The following MYH14 variants were observed in gnomAD, a reference collection of about 807,000 sequenced individuals.
The protein encoded by MYH14 is myosin heavy chain 14.
In MYH14, 123 loss-of-function variants were observed where a neutral mutation model predicts 255.5. The ratio of observed to expected loss-of-function variants is 0.48; its 90% CI spans 0.42 to 0.56. MYH14 has a LOEUF of 0.56. Among genes scored for constraint, MYH14 ranks in the 20% least tolerant of loss-of-function variants. MYH14 has a pLI of 0.00. For missense variants in MYH14, 2,423 were observed against 2,802.3 expected (o/e 0.86, Z 3.06); for synonymous variants, 1,095 against 1,161.2 (o/e 0.94, Z 1.16).
chr19:50,277,890 T>C (rs2035566170), intron 29 of MYH14, among the ~76,000 whole-genome samples, 193 bp from the exon 30 acceptor site: 2 of 151,496 alleles, frequency 1.3e-5, no homozygotes, highest in Non-Finnish European at 2.9e-5. Context: ...GCACTCCAGC[T>C]TGGGCAACAA....
chr19:50,237,603 C>T lies in MYH14; in HGVS notation c.1114+5533C>T, dbSNP rs983909925. Among the ~76,000 whole-genome samples, 4 of 152,226 alleles carry T rather than the reference C, an allele frequency of 2.6e-5. No homozygotes were observed. In the East Asian group the frequency reaches 7.7e-4, roughly 29 times the overall value. ...TCCGCCTCCCAAAATGCTGGGATTA[C>T]AGGCGTGAGCCACCGCACCCGGCCA... On this transcript the variant is annotated intron_variant, in intron 10 of 42. Coordinates refer to ENST00000642316, the MANE Select transcript of MYH14 (RefSeq NM_001145809.2).
intron 18 of MYH14, 112 bp from the exon 19 acceptor site, chr19:50,259,032 C>T: frequency 7.1e-7 from 1 of 1,403,530 alleles, no homozygotes; most frequent in Non-Finnish European, 9.5e-7. Context: ...TTCCTAGGCA[C>T]CTAGTAGGTG....
In MYH14 at chr19:50,252,794, G is replaced by GC. The variant is rs2034453143; in HGVS notation, c.1945+42dup. On this transcript the variant is annotated intron_variant, in intron 16 of 42. Coordinates refer to ENST00000642316, the MANE Select transcript of MYH14 (RefSeq NM_001145809.2). The surrounding 1 kb of genome is among the most constrained non-coding windows in gnomAD (Gnocchi z 4.2). Reference sequence around the variant, plus strand: ...CCCCACCCCGGCTCTAGGGGTCTGTGCGGCCATTCTCCAAATCCACAGCGT... The same window carrying GC: ...CCCCACCCCGGCTCTAGGGGTCTGTGCCGGCCATTCTCCAAATCCACAGCGT... 2.1e-6 allele frequency: 3 copies of GC among 1,416,106 alleles called. No homozygotes were observed. The highest frequency in any genetic ancestry group is 2.9e-6 in the Non-Finnish European group (3 of 1,026,926). 87.7% of individuals were successfully genotyped at this position (1,416,106 alleles called of 1,614,324 possible).
At chr19:50,231,841 G>T in intron 9 of MYH14, 89 bp from the exon 10 acceptor site, 1 of 1,546,754 alleles carries the variant, frequency 6.5e-7, no homozygotes, top group Non-Finnish European at 8.8e-7. Flanking sequence ...TGAGGATATG[G>T]CATGTCCTGG....
chr19:50,268,245 C>T lies in MYH14; in HGVS notation c.2911C>T (p.Leu971=), dbSNP rs970942017. ...AGAGGCCGAGGAGACGCGGGGGAGGCTGGCAGCCCGCAAGCAGGAGCTGGA... is the reference window on the plus strand; with the variant it reads ...AGAGGCCGAGGAGACGCGGGGGAGGTTGGCAGCCCGCAAGCAGGAGCTGGA... ...CAEAEETRGR[L]AARKQELELV... is the part of the protein sequence containing the mutation. The change falls in exon 24 of 43, where the codon CTG becomes TTG. Residue 971 remains leucine (L), a synonymous_variant. Transcript: ENST00000642316. 2.6e-6 allele frequency: 4 copies of T among 1,567,854 alleles called. No homozygotes were observed. The highest frequency in any genetic ancestry group is 2.6e-6 in the Non-Finnish European group (3 of 1,156,908).
At chr19:50,282,852 G>A (rs904560503) in intron 33 of MYH14, among the ~76,000 whole-genome samples, 10 of 152,222 alleles carry the variant, frequency 6.6e-5, no homozygotes, top group African/African-American at 2.2e-4. Context: ...TGGGTTTTTT[G>A]TATTTATCCT....
rs1276011099 is a variant in MYH14, at chr19:50,271,817, C to T, written c.3172-32C>T. Reference sequence around the variant, plus strand: ...AGGGCTGCTCCTGGCCCAACTCCTCCTGACTGCCCCCCATCCCACTCCACC... The same window carrying T: ...AGGGCTGCTCCTGGCCCAACTCCTCTTGACTGCCCCCCATCCCACTCCACC... On this transcript the variant is annotated intron_variant, in intron 25 of 42. Coordinates refer to ENST00000642316, the MANE Select transcript of MYH14 (RefSeq NM_001145809.2). 3.1e-6 allele frequency: 5 copies of T among 1,611,726 alleles called. 1 individual carries two copies. The South Asian group carries it at 5.5e-5, about 18-fold the overall frequency.
At chr19:50,301,583 C>A in intron 39 of MYH14, 78 bp from the exon 40 acceptor site, 2 of 1,103,578 alleles carry the variant, frequency 1.8e-6, no homozygotes, top group African/African-American at 1.5e-5. Context: ...GCACTTAATT[C>A]TCAGAGGTGC....
At chr19:50,275,700 C>T (rs571644543) in intron 27 of MYH14, among the ~76,000 whole-genome samples, 1 of 152,278 alleles carries the variant, frequency 6.6e-6, no homozygotes, top group East Asian at 1.9e-4. Context: ...GTGGACCGCA[C>T]CTGTGGTCTC....
intron 3 of MYH14, 122 bp from the exon 4 acceptor site, chr19:50,222,961 G>A: frequency 2.0e-6 from 2 of 978,404 alleles, no homozygotes; most frequent in Non-Finnish European, 3.3e-6. Flanking sequence ...TACACATCAA[G>A]ACCCAAGCTT....
chr19:50,225,499 C>T, intron 6 of MYH14, 86 bp from the exon 7 acceptor site: 1 of 996,654 alleles, frequency 1.0e-6, no homozygotes, highest in Admixed American at 2.0e-5. Context: ...GATACTCAGT[C>T]AGCTGGAGAC....
In MYH14 at chr19:50,289,604, C is replaced by T. The variant is rs748898201; in HGVS notation, c.4921C>T (p.Arg1641Cys). Residue 1641 changes from arginine (R) to cysteine (C), a missense_variant, in exon 35 of 43, where the codon CGT becomes TGT. Around this residue, in one of 3 missense-constraint regions of MYH14, gnomAD observed 1,513 missense variants for 1,674.8 expected, o/e 0.90. Coordinates refer to ENST00000642316, the MANE Select transcript of MYH14 (RefSeq NM_001145809.2). ...KTQHERDLQGRDEAGEERRRQ... is the reference protein window; with the variant it reads ...KTQHERDLQGCDEAGEERRRQ... ...TCAGCATGAGCGTGACCTGCAGGGC[C>T]GTGATGAGGCTGGTGAAGAGAGGCG... The T allele has an allele frequency of 1.1e-5, 17 of 1,612,374 alleles. No individual in the cohort carries two copies. The highest frequency in any genetic ancestry group is 6.7e-5 in the East Asian group (3 of 44,862).
rs1483282944 is a variant in MYH14 at position 50,257,490 on chromosome 19, A to T, written c.2232+4A>T. 4 of 1,596,206 alleles carry T rather than the reference A, an allele frequency of 2.5e-6. No individual in the cohort carries two copies. Among genetic ancestry groups the T allele is most frequent in the Non-Finnish European group, 3.4e-6 (4 of 1,170,980 alleles). ...TGTCCCCAACCACGAGAAGAGGGTG[A>T]GTGACTCAGCCTGGGGAGGAAGGGG... On this transcript the variant is annotated splice_donor_region_variant and intron_variant, in intron 18 of 42. Coordinates refer to ENST00000642316, the MANE Select transcript of MYH14 (RefSeq NM_001145809.2).
At chr19:50,286,459 C>A in intron 33 of MYH14, 23 bp from the exon 34 acceptor site, 1 of 1,602,476 alleles carries the variant, frequency 6.2e-7, no homozygotes, top group Non-Finnish European at 8.5e-7. Flanking sequence ...TTTCCCCCTA[C>A]CCCATCTCCC....
intron 40 of MYH14, among the ~76,000 whole-genome samples, chr19:50,306,699 A>G (rs898869233): frequency 1.2e-4 from 18 of 152,200 alleles, no homozygotes; most frequent in African/African-American, 3.6e-4. Context: ...ATTGTGAGAG[A>G]TAGTAAATGA....
chr19:50,276,825 C>T lies in MYH14; in HGVS notation c.3749C>T (p.Ala1250Val), dbSNP rs11669191. The change falls in exon 29 of 43, where the codon GCG becomes GTG. Residue 1250 changes from alanine to valine, a missense_variant. Coordinates refer to ENST00000642316, the MANE Select transcript of MYH14 (RefSeq NM_001145809.2). This position sits in a 1 kb window ranked among gnomAD's most constrained non-coding sequence, Gnocchi z 4.3. ...GAGGAGGAGACTCGCATCCACGAGG[C>T]GGCAGTGCAGGAGCTGAGGCAGCGC... ...TLEEETRIHEAAVQELRQRHG... is the reference protein window; with the variant it reads ...TLEEETRIHEVAVQELRQRHG... The T allele has an allele frequency of 1.1e-5, 17 of 1,599,226 alleles. No individual in the cohort carries two copies. In the African/African-American group the frequency reaches 1.1e-4, roughly 10 times the overall value.
Position 50,309,086 on chromosome 19 carries a change from G to C in MYH14, c.5869G>C (p.Gly1957Arg). ...GGAGGAGGCATCCCGGGCTCAGGCC[G>C]GCCGCCGGAGGCTGCAGCGTGAGCT... ...AEEEASRAQA[G>R]RRRLQRELED... is the part of the protein sequence containing the mutation. Residue 1957 changes from glycine to arginine, a missense_variant, in exon 42 of 43, where the codon GGC becomes CGC. By Grantham distance (125) the Gly-to-Arg change is moderately radical (BLOSUM62 -2). Around this residue, in one of 3 missense-constraint regions of MYH14, gnomAD observed 1,513 missense variants for 1,674.8 expected, o/e 0.90. Transcript: ENST00000642316. 2 of 1,613,898 alleles carry C rather than the reference G, an allele frequency of 1.2e-6. No homozygotes were observed. The highest frequency in any genetic ancestry group is 1.7e-6 in the Non-Finnish European group (2 of 1,179,814).
chr19:50,251,539 C>T (rs868552286), intron 15 of MYH14, among the ~76,000 whole-genome samples: 10,454 of 139,472 alleles, frequency 0.075, 538 homozygotes, highest in Admixed American at 0.13. Flanking sequence ...CACACACACA[C>T]ACACACACAC....
At position 50,222,425 on chromosome 19, in the gene MYH14, A is replaced by G. The variant is rs908095333; in HGVS notation, c.563-658A>G. Reference sequence around the variant, plus strand: ...AACCCGAGAGGCAGAGCTTGCAGTGAGCCGAGATTGCGCCACTGTACTCCA... The same window carrying G: ...AACCCGAGAGGCAGAGCTTGCAGTGGGCCGAGATTGCGCCACTGTACTCCA... On this transcript the variant is annotated intron_variant, in intron 3 of 42. Coordinates refer to ENST00000642316, the MANE Select transcript of MYH14 (RefSeq NM_001145809.2). Among the ~76,000 whole-genome samples the G allele has an allele frequency of 2.7e-4, 39 of 143,640 alleles. 1 individual carries two copies. The highest frequency in any genetic ancestry group is 9.4e-4 in the African/African-American group (37 of 39,216). 94.2% of individuals were successfully genotyped at this position (143,640 alleles called of 152,430 possible). A position where few individuals can be genotyped will look rare whatever the true frequency, so the allele number is the denominator to read the frequency against.
Sources: allele counts gnomAD v4.1 joint callset (sites outside exome capture counted in the v4.1 genomes callset), GRCh38; gene constraint gnomAD v4.1.1; regional missense constraint gnomAD v4.1.1; non-coding constraint Gnocchi (gnomAD v3.1); transcripts MANE v1.5; gene names NCBI Gene and HGNC (gene_info 2026-07-23, HGNC 2026-07-21).